Variants in TMEM51 observed in about 807,000 individuals in gnomAD.
TMEM51 encodes the protein chromosome 1 open reading frame 72.
In TMEM51, 8 loss-of-function variants were observed where a neutral mutation model predicts 13.6. That is an observed-to-expected ratio of 0.59 (90% CI 0.35 to 1.07). TMEM51 has a LOEUF of 1.07. Ranked by LOEUF, TMEM51 falls within the 50% of genes least tolerant of loss-of-function variation. TMEM51 has a pLI of 0.02. For missense variants in TMEM51, 279 were observed against 330.7 expected, an observed-to-expected ratio of 0.84 and a Z score of 1.21; for synonymous variants, 147 against 144.4, an observed-to-expected ratio of 1.02 and a Z score of -0.13.
intron 1 of TMEM51, among the ~76,000 whole-genome samples, chr1:15,200,330 C>G (rs1462410719): frequency 2.0e-5 from 3 of 146,494 alleles, no homozygotes; most frequent in African/African-American, 7.6e-5. Context: ...ATTGCCTGAG[C>G]CTGGGATATC....
chr1:15,186,251 A>C (rs961981752), intron 1 of TMEM51, among the ~76,000 whole-genome samples: 1 of 152,242 alleles, frequency 6.6e-6, no homozygotes, highest in Admixed American at 6.5e-5. Context: ...GTTCTTGAGC[A>C]GGAAGTAACT....
rs565632660 is a variant in TMEM51, at chr1:15,213,403, G to A, written c.-193-1492G>A. Among the ~76,000 whole-genome samples, 11 of 152,254 alleles carry A rather than the reference G, an allele frequency of 7.2e-5. No homozygotes were observed. The East Asian group carries it at 1.7e-3, about 24-fold the overall frequency. On this transcript the variant is annotated intron_variant, in intron 2 of 3. Coordinates refer to ENST00000376008, the MANE Select transcript of TMEM51 (RefSeq NM_001136218.2). Reference sequence around the variant, plus strand: ...AAGCAGCCTGGTCAGTCATCCTTTCGGAGAGACTGGAAAAAATGCAGAATT... The same window carrying A: ...AAGCAGCCTGGTCAGTCATCCTTTCAGAGAGACTGGAAAAAATGCAGAATT...
chr1:15,205,496 G>C (rs1001731495), intron 1 of TMEM51, among the ~76,000 whole-genome samples: 1 of 152,124 alleles, frequency 6.6e-6, no homozygotes, highest in East Asian at 1.9e-4. Context: ...AGCTGCATGC[G>C]TATCTTCCTT....
intron 1 of TMEM51, chr1:15,164,490 A>C (rs917037706): frequency 2.2e-6 from 1 of 455,970 alleles, no homozygotes; most frequent in Non-Finnish European, 4.4e-6. Flanking sequence ...CTTCTCACTG[A>C]ATCATGTTAG....
intron 1 of TMEM51, among the ~76,000 whole-genome samples, chr1:15,194,773 T>C (rs1174561911): frequency 1.3e-5 from 2 of 152,162 alleles, no homozygotes; most frequent in Non-Finnish European, 2.9e-5. Flanking sequence ...GTGGATGATA[T>C]TGCGTTCTGT....
chr1:15,211,765 C>G (rs142858234), intron 2 of TMEM51, among the ~76,000 whole-genome samples: 5 of 148,414 alleles, frequency 3.4e-5, no homozygotes, highest in Non-Finnish European at 7.4e-5. Flanking sequence ...GTAAAGGGTA[C>G]ACTTTCCGAG....
At chr1:15,165,053 G>C (rs1290983463) in intron 1 of TMEM51, among the ~76,000 whole-genome samples, 1 of 152,074 alleles carries the variant, frequency 6.6e-6, no homozygotes, top group African/African-American at 2.4e-5. Context: ...CGCCCACCTC[G>C]ACCTCCCAAA....
chr1:15,212,274 G>A lies in TMEM51; in HGVS notation c.-194+1712G>A, dbSNP rs139928684. 6.2e-4 allele frequency among the ~76,000 whole-genome samples: 94 copies of A among 152,276 alleles called. 1 individual carries two copies. Among genetic ancestry groups the A allele is most frequent in the South Asian group, 1.7e-3 (8 of 4,816 alleles). Reference sequence around the variant, plus strand: ...ATCCCAATACCTTTCCCCACACTGAGTATTATCACCTGTTTTTAATCATTG... The same window carrying A: ...ATCCCAATACCTTTCCCCACACTGAATATTATCACCTGTTTTTAATCATTG... On this transcript the variant is annotated intron_variant, in intron 2 of 3. Coordinates refer to ENST00000376008, the MANE Select transcript of TMEM51 (RefSeq NM_001136218.2).
intron 2 of TMEM51, 67 bp from the exon 3 acceptor site, chr1:15,214,828 G>A (rs1221300607): frequency 8.3e-6 from 4 of 481,410 alleles, no homozygotes; most frequent in African/African-American, 3.9e-5. Context: ...GAGCAGAGCC[G>A]CCACATTCAC....
At chr1:15,177,685 A>T (rs1280287566) in intron 1 of TMEM51, among the ~76,000 whole-genome samples, 2 of 152,012 alleles carry the variant, frequency 1.3e-5, no homozygotes, top group African/African-American at 4.8e-5. Context: ...GGGGATTTTT[A>T]AATTTGATTG....
intron 1 of TMEM51, among the ~76,000 whole-genome samples, chr1:15,204,241 C>T (rs1644209168): frequency 6.6e-6 from 1 of 152,188 alleles, no homozygotes; most frequent in Non-Finnish European, 1.5e-5. Flanking sequence ...TCTTCAGATT[C>T]CAGGGCTGAG....
chr1:15,177,954 A>G (rs1281955192), intron 1 of TMEM51, among the ~76,000 whole-genome samples: 2 of 152,208 alleles, frequency 1.3e-5, no homozygotes, highest in African/African-American at 4.8e-5. Flanking sequence ...TTAGGGAGAC[A>G]CGACTTATCA....
chr1:15,168,491 T>C, intron 1 of TMEM51: 3 of 1,301,800 alleles, frequency 2.3e-6, no homozygotes, highest in African/African-American at 1.5e-5. Flanking sequence ...TCCAATTTTA[T>C]GTATTATTGC....
At chr1:15,196,409 TGC>T (rs1034524577) in intron 1 of TMEM51, among the ~76,000 whole-genome samples, 12 of 142,008 alleles carry the variant, frequency 8.5e-5, no homozygotes. Context: ...TGTGTGTGTG[TGC>T]GTGTGCATGC....
intron 1 of TMEM51, among the ~76,000 whole-genome samples, chr1:15,167,066 G>A (rs573572506): frequency 1.3e-5 from 2 of 152,090 alleles, no homozygotes; most frequent in East Asian, 1.9e-4. Context: ...GGTGGCTCAC[G>A]CCTGTAATCC....
At chr1:15,193,903 G>T (rs149769913) in intron 1 of TMEM51, among the ~76,000 whole-genome samples, 2 of 152,288 alleles carry the variant, frequency 1.3e-5, no homozygotes, top group East Asian at 1.9e-4. Flanking sequence ...ATTGCCAGGG[G>T]TGTACAGAAT....
intron 1 of TMEM51, among the ~76,000 whole-genome samples, chr1:15,194,615 G>A (rs1230663455): frequency 1.3e-5 from 2 of 152,100 alleles, no homozygotes; most frequent in Non-Finnish European, 2.9e-5. Flanking sequence ...TTGTTACTGG[G>A]CCCTACACAG....
intron 1 of TMEM51, among the ~76,000 whole-genome samples, chr1:15,193,991 G>C (rs964013735): frequency 6.6e-6 from 1 of 152,152 alleles, no homozygotes; most frequent in Non-Finnish European, 1.5e-5. Flanking sequence ...TCACTCAACA[G>C]ATTCCACTAT....
chr1:15,172,419 A>AGGAG (rs1643312110), intron 1 of TMEM51, among the ~76,000 whole-genome samples: 1 of 143,414 alleles, frequency 7.0e-6, no homozygotes, highest in Non-Finnish European at 1.5e-5. Context: ...GGAAGGAAGG[A>AGGAG]GGAGGGAGGG....
Sources: allele counts gnomAD v4.1 joint callset (sites outside exome capture counted in the v4.1 genomes callset), GRCh38; gene constraint gnomAD v4.1.1; transcripts MANE v1.5; gene names NCBI Gene and HGNC (gene_info 2026-07-23, HGNC 2026-07-21).